LRRTM1: variants seen among roughly 807,000 people sequenced by gnomAD.
LRRTM1 encodes the protein leucine-rich repeat transmembrane neuronal protein 1.
LRRTM1 carries 8 observed loss-of-function variants against 37.3 expected under a neutral mutation model. That is an observed-to-expected ratio of 0.21 (90% CI 0.13 to 0.39). The LOEUF is 0.39. Among genes scored for constraint, LRRTM1 ranks in the 10% least tolerant of loss-of-function variants. The pLI, the probability that LRRTM1 is intolerant of heterozygous loss-of-function variation, is 1.00. For missense variants in LRRTM1, 557 were observed against 691.0 expected, an observed-to-expected ratio of 0.81 and a Z score of 2.17; for synonymous variants, 326 against 316.8, an observed-to-expected ratio of 1.03 and a Z score of -0.31.
chr2:80,299,358 TTTC>T (rs1676041066), downstream of LRRTM1: 1 of 152,052 alleles, frequency 6.6e-6, no homozygotes, highest in Non-Finnish European at 1.5e-5. Flanking sequence ...ATTCCTGCCG[TTTC>T]CCCCCACCTC....
chr2:80,299,533 CT>C (rs1676056908), downstream of LRRTM1: 1 of 152,188 alleles, frequency 6.6e-6, no homozygotes, highest in Admixed American at 6.5e-5. Flanking sequence ...TCATCATTTG[CT>C]CTTAAGCTCC....
Position 80,303,624 on chromosome 2 carries a change from C to G in LRRTM1, c.196G>C (p.Gly66Arg). The G allele has an allele frequency of 6.2e-7, 1 of 1,614,016 alleles. No individual in the cohort carries two copies. The highest frequency in any genetic ancestry group is 1.1e-5 in the South Asian group (1 of 91,058). The change falls in exon 2 of 2, where the codon GGC (glycine) becomes CGC (arginine). Residue 66 changes from glycine (G) to arginine (R), a missense_variant. Gly to Arg is a moderately radical substitution (Grantham distance 125). This residue lies in a region of LRRTM1 where 140 missense variants were observed against 138.1 expected (regional missense o/e 1.01). Transcript: ENST00000295057. The surrounding 1 kb of genome is among the most constrained non-coding windows in gnomAD (Gnocchi z 7.7). ...TAGCGCAGGGACAAGCCCAGCAGGCCGGACAGGTTGTGGGGCGCCTCGGTG... is the reference window on the plus strand; with the variant it reads ...TAGCGCAGGGACAAGCCCAGCAGGCGGGACAGGTTGTGGGGCGCCTCGGTG... ...NLTEAPHNLSGLLGLSLRYNS... is the reference protein window; with the variant it reads ...NLTEAPHNLSRLLGLSLRYNS...
chr2:80,298,880 G>A (rs1245181306), downstream of LRRTM1: 1 of 152,184 alleles, frequency 6.6e-6, no homozygotes, highest in Non-Finnish European at 1.5e-5. Context: ...GAGCATCAGG[G>A]ACTGCCTATT....
In LRRTM1 at chr2:80,301,935, T is replaced by C. The variant is rs1337711395; in HGVS notation, c.*316A>G. ...AGTTTACAAAAAAAAAAAAAATCAA[T>C]GATTGGTACCTTTTTTACACTCTCA... is the stretch of plus-strand genomic sequence containing the variant. On this transcript the variant is annotated 3_prime_UTR_variant, in exon 2 of 2. Coordinates refer to ENST00000295057, the MANE Select transcript of LRRTM1 (RefSeq NM_178839.5). 1 of 232,270 alleles carries C rather than the reference T, an allele frequency of 4.3e-6. No individual in the cohort carries two copies. The highest frequency in any genetic ancestry group is 8.2e-6 in the Non-Finnish European group (1 of 121,412). 14.4% of individuals were successfully genotyped at this position (232,270 alleles called of 1,614,324 possible).
At chr2:80,291,207 A>G (rs1675208239) in intron 2 of LRRTM1, among the ~76,000 whole-genome samples, 1 of 152,254 alleles carries the variant, frequency 6.6e-6, no homozygotes, top group African/African-American at 2.4e-5. Context: ...CCTTGGGGGA[A>G]GTTCATCGCT....
rs756853344 is a variant in LRRTM1, at chr2:80,302,520, C to T, written c.1300G>A (p.Ala434Thr). ...ACGATGAGGAAGGAGAAGATGAGGG[C>T]CATGGTGCCCGTGACCACCTTGTGG... is the stretch of plus-strand genomic sequence containing the variant. ...QIHKVVTGTM[A>T]LIFSFLIVVL... The change falls in exon 2 of 2, where the codon GCC (alanine) becomes ACC (threonine). Residue 434 changes from alanine (A) to threonine (T), a missense_variant. By Grantham distance (58) the Ala-to-Thr change is moderately conservative. Coordinates refer to ENST00000295057, the MANE Select transcript of LRRTM1 (RefSeq NM_178839.5). This position sits in a 1 kb window ranked among gnomAD's most constrained non-coding sequence, Gnocchi z 6.4. 3.2e-5 allele frequency: 52 copies of T among 1,612,274 alleles called. No homozygotes were observed. The highest frequency in any genetic ancestry group is 4.1e-5 in the Non-Finnish European group (48 of 1,179,988).
rs1676705453 is a variant in LRRTM1, at chr2:80,304,454, A to G, written c.-362T>C. On this transcript the variant is annotated 5_prime_UTR_variant, in exon 1 of 2. Coordinates refer to ENST00000295057, the MANE Select transcript of LRRTM1 (RefSeq NM_178839.5). ...GGACTGTGACGTTGTGGGGGGAAAA[A>G]ACTCCAAACTCGGGGCTCGCGACTC... 6.6e-6 allele frequency: 1 copy of G among 152,564 alleles called. No individual in the cohort carries two copies. The highest frequency in any genetic ancestry group is 6.6e-5 in the Admixed American group (1 of 15,266). The allele number at this position is 152,564 out of a possible 1,614,324, so 9.5% of individuals were successfully genotyped here.
chr2:80,289,189 G>T (rs2149174649), exon 3 of LRRTM1: 1 of 152,238 alleles, frequency 6.6e-6, no homozygotes, highest in East Asian at 1.9e-4. Flanking sequence ...TGAATCTGTT[G>T]ACAGAACTGG....
At chr2:80,296,405 T>C (rs375245641) in intron 2 of LRRTM1, among the ~76,000 whole-genome samples, 3 of 152,152 alleles carry the variant, frequency 2.0e-5, no homozygotes, top group Admixed American at 6.5e-5. Context: ...AATGAGGTAT[T>C]GCTAAAGAAA....
chr2:80,291,709 T>C (rs746298459), intron 2 of LRRTM1, among the ~76,000 whole-genome samples: 17 of 152,172 alleles, frequency 1.1e-4, no homozygotes, highest in Non-Finnish European at 2.4e-4. Flanking sequence ...CCTCCAGGAA[T>C]TGACTATAGA....
At chr2:80,298,066 T>G (rs957333314), downstream of LRRTM1, 13 of 151,558 alleles carry the variant, frequency 8.6e-5, no homozygotes, top group African/African-American at 2.9e-4. Context: ...CACACACATG[T>G]GTGCATATTT....
chr2:80,298,547 A>AC (rs1158750814), downstream of LRRTM1: 2 of 152,184 alleles, frequency 1.3e-5, no homozygotes, highest in African/African-American at 4.8e-5. Context: ...GTGGCCCCTA[A>AC]TCCTACCAGA....
chr2:80,290,869 A>G (rs921699807), intron 2 of LRRTM1, among the ~76,000 whole-genome samples: 1 of 152,142 alleles, frequency 6.6e-6, no homozygotes, highest in Non-Finnish European at 1.5e-5. Context: ...GTAGAAAACA[A>G]ACAAACAATA....
At position 80,302,793 on chromosome 2, in the gene LRRTM1, C is replaced by T; in HGVS notation, c.1027G>A (p.Ala343Thr). ...QGRYDGNLQC[A>T]SPEYAQGEDV... Reference sequence around the variant, plus strand: ...TCGCCCTGTGCGTACTCCGGGCTGGCGCACTGCAAGTTGCCATCGTAGCGC... The same window carrying T: ...TCGCCCTGTGCGTACTCCGGGCTGGTGCACTGCAAGTTGCCATCGTAGCGC... The change falls in exon 2 of 2, where the codon GCC becomes ACC. Residue 343 changes from alanine to threonine, a missense_variant. By Grantham distance (58) the Ala-to-Thr change is moderately conservative. Transcript: ENST00000295057. This position sits in a 1 kb window ranked among gnomAD's most constrained non-coding sequence, Gnocchi z 6.4. 4 of 1,613,446 alleles carry T rather than the reference C, an allele frequency of 2.5e-6. No homozygotes were observed. The highest frequency in any genetic ancestry group is 3.4e-6 in the Non-Finnish European group (4 of 1,179,842).
intron 2 of LRRTM1, among the ~76,000 whole-genome samples, chr2:80,296,265 A>G (rs1028947843): frequency 6.6e-6 from 1 of 152,172 alleles, no homozygotes; most frequent in African/African-American, 2.4e-5. Flanking sequence ...GGGGAAGAAG[A>G]AGGCACAGGC....
chr2:80,296,101 T>G (rs1675716160), intron 2 of LRRTM1, among the ~76,000 whole-genome samples: 1 of 152,166 alleles, frequency 6.6e-6, no homozygotes, highest in Non-Finnish European at 1.5e-5. Context: ...CATAAATTTA[T>G]GGGGTACATG....
rs189907767 is a variant in LRRTM1 at position 80,291,974 on chromosome 2, G to A, written c.*307-2779C>T. ...AAAGCTGGGAAGGAAGCCATGTGTA[G>A]TCTTTGCAACTCCAGACTTCACTGC... On this transcript the variant is annotated intron_variant and NMD_transcript_variant, in intron 2 of 2. Transcript: ENST00000417012. 1.8e-3 allele frequency among the ~76,000 whole-genome samples: 271 copies of A among 152,324 alleles called. 1 individual carries two copies. Among genetic ancestry groups the A allele is most frequent in the African/African-American group, 6.3e-3 (262 of 41,580 alleles).
chr2:80,301,092 C>G (rs1375819056), downstream of LRRTM1, among the ~76,000 whole-genome samples: 3 of 152,186 alleles, frequency 2.0e-5, no homozygotes, highest in African/African-American at 7.2e-5. Flanking sequence ...ACTCTCCCCA[C>G]CCCATCACTG....
At chr2:80,289,205 A>C (rs1421102850) in intron 2 of LRRTM1, 1 of 152,098 alleles carries the variant, frequency 6.6e-6, no homozygotes, top group Non-Finnish European at 1.5e-5. Flanking sequence ...ACTGGGAAGA[A>C]CCATAATATT....
Sources: allele counts gnomAD v4.1 joint callset (sites outside exome capture counted in the v4.1 genomes callset), GRCh38; gene constraint gnomAD v4.1.1; regional missense constraint gnomAD v4.1.1; non-coding constraint Gnocchi (gnomAD v3.1); transcripts MANE v1.5; gene names NCBI Gene and HGNC (gene_info 2026-07-23, HGNC 2026-07-21).